The following KIAA1217 variants were observed in gnomAD, a reference collection of about 807,000 sequenced individuals.
KIAA1217 encodes the protein KIAA1217.
Under a neutral mutation model 163.9 loss-of-function variants are expected in KIAA1217, and 88 were observed. The observed-to-expected ratio is 0.54, with a 90% CI of 0.45 to 0.64. The LOEUF (loss-of-function observed/expected upper bound fraction) is 0.64. Ranked by LOEUF, KIAA1217 falls within the 30% of genes least tolerant of loss-of-function variation. The pLI, the probability that KIAA1217 is intolerant of heterozygous loss-of-function variation, is 0.00. For missense variants in KIAA1217, 2,372 were observed against 2,475.0 expected (o/e 0.96, Z 0.88); for synonymous variants, 903 against 923.1 (o/e 0.98, Z 0.39).
chr10:24,245,347 T>C (rs2073664045), intron 2 of KIAA1217, among the ~76,000 whole-genome samples: 1 of 152,156 alleles, frequency 6.6e-6, no homozygotes, highest in African/African-American at 2.4e-5. Context: ...TGCTCTGTGC[T>C]CTGCTCAGAT....
intron 2 of KIAA1217, among the ~76,000 whole-genome samples, chr10:24,232,287 G>A (rs2071520231): frequency 6.6e-6 from 1 of 152,252 alleles, no homozygotes. Flanking sequence ...AACAGCAAAG[G>A]AATCCTAAAT....
intron 1 of KIAA1217, among the ~76,000 whole-genome samples, chr10:23,810,582 A>G (rs11013720): frequency 6.7e-4 from 84 of 125,984 alleles, no homozygotes; most frequent in African/African-American, 1.4e-3. Flanking sequence ...TCTATATATA[A>G]TATATATAGT....
chr10:24,175,467 T>G (rs968514907), intron 2 of KIAA1217, among the ~76,000 whole-genome samples: 1 of 140,366 alleles, frequency 7.1e-6, no homozygotes, highest in Non-Finnish European at 1.5e-5. Context: ...GTGTGTGTGT[T>G]TATTGTTTTT....
chr10:24,117,802 A>G (rs1472663925), intron 2 of KIAA1217, among the ~76,000 whole-genome samples: 1 of 152,208 alleles, frequency 6.6e-6, no homozygotes, highest in African/African-American at 2.4e-5. Context: ...TGAGCAAAGC[A>G]GTATCTTCAT....
At chr10:24,264,732 AACTT>A (rs532647599) in intron 2 of KIAA1217, among the ~76,000 whole-genome samples, 3 of 150,234 alleles carry the variant, frequency 2.0e-5, no homozygotes, top group African/African-American at 7.4e-5. Flanking sequence ...ATTTAACCTG[AACTT>A]ACTTGCTCTT....
At chr10:24,373,515 T>G (rs73604471) in intron 2 of KIAA1217, among the ~76,000 whole-genome samples, 8,391 of 152,182 alleles carry the variant, frequency 0.055, 681 homozygotes, top group African/African-American at 0.18. Context: ...GCTTGGAAGT[T>G]TCCCAGGAGG....
At chr10:24,360,040 C>CATTTTTTTTTTTTTTT (rs55881849) in intron 2 of KIAA1217, among the ~76,000 whole-genome samples, 1 of 94,282 alleles carries the variant, frequency 1.1e-5, no homozygotes, top group Non-Finnish European at 1.9e-5. Flanking sequence ...GATATAATTA[C>CATTTTTTTTTTTTTTT]TTTTTTTTTT....
chr10:23,810,582 A>ATATATAGTATAATCTATATATAC (rs1564441281), intron 1 of KIAA1217, among the ~76,000 whole-genome samples: 5 of 125,990 alleles, frequency 4.0e-5, no homozygotes, highest in Admixed American at 8.8e-5. Context: ...TCTATATATA[A>ATATATAGTATAATCTATATATAC]TATATATAGT....
At chr10:24,337,611 T>G (rs2046521101) in intron 2 of KIAA1217, among the ~76,000 whole-genome samples, 1 of 62,470 alleles carries the variant, frequency 1.6e-5, no homozygotes, top group African/African-American at 8.6e-5. Flanking sequence ...TTTTCTTTTC[T>G]TTTCTTTTCT....
intron 1 of KIAA1217, among the ~76,000 whole-genome samples, chr10:23,993,792 C>T (rs1407872775): frequency 1.3e-5 from 2 of 151,800 alleles, no homozygotes; most frequent in East Asian, 3.9e-4. Context: ...TTTGGCCAGG[C>T]TGGTCTTGAA....
At chr10:24,109,217 A>C (rs1217017841) in intron 2 of KIAA1217, among the ~76,000 whole-genome samples, 1 of 152,200 alleles carries the variant, frequency 6.6e-6, no homozygotes, top group African/African-American at 2.4e-5. Flanking sequence ...AGTAACAACA[A>C]AACAAACAAA....
At chr10:24,033,090 T>G (rs1848252402) in intron 2 of KIAA1217, among the ~76,000 whole-genome samples, 1 of 152,204 alleles carries the variant, frequency 6.6e-6, no homozygotes, top group Non-Finnish European at 1.5e-5. Flanking sequence ...GCACTGACAA[T>G]TTTATAACAT....
intron 2 of KIAA1217, among the ~76,000 whole-genome samples, chr10:24,274,979 C>T (rs1395969837): frequency 3.3e-5 from 5 of 152,110 alleles, no homozygotes; most frequent in African/African-American, 4.8e-5. Context: ...GCCCTCTTGA[C>T]CAGGCTGGAG....
At chr10:24,008,980 A>G (rs190702718) in intron 2 of KIAA1217, among the ~76,000 whole-genome samples, 5 of 152,320 alleles carry the variant, frequency 3.3e-5, no homozygotes, top group Admixed American at 6.5e-5. Flanking sequence ...ACAAGCAGCA[A>G]GAGATCAAAG....
intron 17 of KIAA1217, among the ~76,000 whole-genome samples, chr10:24,539,420 A>G (rs12265112): frequency 0.4 from 59,917 of 151,630 alleles, 12,259 homozygotes; most frequent in Non-Finnish European, 0.45. Context: ...TATTAGAGAT[A>G]GGGTTTCACC....
At chr10:23,928,273 T>A (rs1476351219) in intron 1 of KIAA1217, among the ~76,000 whole-genome samples, 1 of 152,188 alleles carries the variant, frequency 6.6e-6, no homozygotes, top group Non-Finnish European at 1.5e-5. Flanking sequence ...AAACGTTGTT[T>A]CTAGCTCTTT....
chr10:23,778,613 G>C (rs1253484613), intron 1 of KIAA1217, among the ~76,000 whole-genome samples: 1 of 152,148 alleles, frequency 6.6e-6, no homozygotes, highest in Non-Finnish European at 1.5e-5. Flanking sequence ...GGCTTTCTCT[G>C]GTGATAAGTT....
intron 2 of KIAA1217, among the ~76,000 whole-genome samples, chr10:24,014,275 G>A (rs144021157): frequency 2.6e-5 from 4 of 152,178 alleles, no homozygotes; most frequent in Non-Finnish European, 4.4e-5. Context: ...TATTTAATAC[G>A]CTCTGGCAAG....
chr10:23,802,673 A>G (rs1444786692), intron 1 of KIAA1217, among the ~76,000 whole-genome samples: 1 of 152,266 alleles, frequency 6.6e-6, no homozygotes, highest in Non-Finnish European at 1.5e-5. Context: ...GATCAAGTAC[A>G]GAGAAGAAAC....
Sources: gnomAD v4.1 joint callset for allele counts (sites outside exome capture counted in the v4.1 genomes callset) on GRCh38, gnomAD v4.1.1 for gene constraint, MANE v1.5 for transcripts, NCBI Gene and HGNC (gene_info 2026-07-23, HGNC 2026-07-21) for gene names.